TFB1M: variants seen among roughly 807,000 people sequenced by gnomAD.
TFB1M encodes dimethyladenosine transferase 1, mitochondrial.
A neutral mutation model predicts 31.1 loss-of-function variants in TFB1M; 27 were observed. The observed-to-expected ratio is 0.87, with a 90% confidence interval of 0.64 to 1.20. The LOEUF (loss-of-function observed/expected upper bound fraction) is 1.20. TFB1M is among the 50% of genes most tolerant of loss of function. The pLI is 0.00. For missense variants in TFB1M, 394 were observed against 418.7 expected (o/e 0.94, Z 0.51); for synonymous variants, 166 against 151.8 (o/e 1.09, Z -0.69).
In TFB1M at chr6:155,256,399, A is replaced by G; in HGVS notation, c.*1437T>C. On this transcript the variant is annotated 3_prime_UTR_variant, in exon 7 of 7. Transcript: ENST00000367166. ...TATCATAAAATAAAATCTTAATGTT[A>G]AATCTTACACAAGCTTTGAGGCAAA... The G allele has an allele frequency of 6.4e-7, 1 of 1,572,172 alleles. No homozygotes were observed. Among genetic ancestry groups the G allele is most frequent in the East Asian group, 2.2e-5 (1 of 44,550 alleles).
At chr6:155,280,388 A>G (rs1345017971) in intron 5 of TFB1M, among the ~76,000 whole-genome samples, 2 of 152,162 alleles carry the variant, frequency 1.3e-5, no homozygotes, top group Non-Finnish European at 2.9e-5. Flanking sequence ...AGGTTCCAAT[A>G]AGCTGGTCCC....
At chr6:155,242,467 T>G in the TFB1M span, among the ~76,000 whole-genome samples, 2 of 152,212 alleles carry the variant, frequency 1.3e-5, no homozygotes, top group Admixed American at 1.3e-4. Context: ...GCGTGGAATA[T>G]GGTGAGGGAA....
intron 2 of TFB1M, among the ~76,000 whole-genome samples, chr6:155,305,222 AT>A (rs1777633750): frequency 2.6e-5 from 1 of 38,670 alleles, no homozygotes; most frequent in Non-Finnish European, 3.9e-5. Flanking sequence ...TTATATATTT[AT>A]ATATATATAT....
chr6:155,242,160 G>A, the TFB1M span, among the ~76,000 whole-genome samples: 1 of 152,148 alleles, frequency 6.6e-6, no homozygotes, highest in Non-Finnish European at 1.5e-5. Context: ...TTTGCCCCCC[G>A]CAGCTCTGCG....
At chr6:155,258,594 A>T (rs1195180865) in intron 6 of TFB1M, among the ~76,000 whole-genome samples, 1 of 152,256 alleles carries the variant, frequency 6.6e-6, no homozygotes, top group Non-Finnish European at 1.5e-5. Context: ...TTTTTCAAGC[A>T]TCTTTAAAAC....
Position 155,256,860 on chromosome 6 carries a change from G to C in TFB1M, c.*976C>G, listed in dbSNP as rs200280999. On this transcript the variant is annotated 3_prime_UTR_variant, in exon 7 of 7. Transcript: ENST00000367166. The stretch of plus-strand genomic sequence containing the variant: ...CTGAGCAGCAGCCTGGCCCGGAGTC[G>C]GGTGAGGGTCAGAAAGGAGGAGAGC... The C allele has an allele frequency of 2.9e-5, 47 of 1,614,080 alleles. No individual in the cohort carries two copies. The East Asian group carries it at 1.0e-3, about 34-fold the overall frequency.
In TFB1M at chr6:155,309,106, G is replaced by GA. The variant is rs533689896; in HGVS notation, c.285+2081dup. 3.2e-4 allele frequency among the ~76,000 whole-genome samples: 48 copies of GA among 152,142 alleles called. 1 individual carries two copies. The East Asian group carries it at 8.5e-3, about 27-fold the overall frequency. On this transcript the variant is annotated intron_variant, in intron 2 of 6. Transcript: ENST00000367166. Reference sequence around the variant, plus strand: ...AACTTGAAATCAGCCTTCACATTTAGAAAAAAGAGCATAAAACTTTTTCAT... The same window carrying GA: ...AACTTGAAATCAGCCTTCACATTTAGAAAAAAAGAGCATAAAACTTTTTCAT...
chr6:155,265,069 G>A (rs1042175929), intron 5 of TFB1M, among the ~76,000 whole-genome samples: 3 of 152,182 alleles, frequency 2.0e-5, no homozygotes, highest in Admixed American at 1.3e-4. Context: ...CACAAACCAC[G>A]CCCTTGGTGT....
chr6:155,268,000 G>T lies in TFB1M; in HGVS notation c.667-7600C>A, dbSNP rs989944093. 2.0e-5 allele frequency among the ~76,000 whole-genome samples: 3 copies of T among 152,054 alleles called. No homozygotes were observed. In the East Asian group the frequency reaches 5.8e-4, roughly 29 times the overall value. ...AGCCCAAAGCCCCTTCTACAAATTT[G>T]TTTTCAAAATGTAGACAGGAAATTT... On this transcript the variant is annotated intron_variant, in intron 5 of 6. Transcript: ENST00000367166.
chr6:155,257,303 T>A lies in TFB1M; in HGVS notation c.*533A>T. On this transcript the variant is annotated 3_prime_UTR_variant, in exon 7 of 7. Transcript: ENST00000367166. ...TTTAATTTATTGTGGATCAGAAACC[T>A]AGATGAAACTGGTCAGAATCTGTAA... The A allele has an allele frequency of 1.5e-6, 1 of 677,472 alleles. No homozygotes were observed. The highest frequency in any genetic ancestry group is 2.4e-6 in the Non-Finnish European group (1 of 416,708). The allele number at this position is 677,472 out of a possible 1,614,324, so 42.0% of individuals were successfully genotyped here. A position where few individuals can be genotyped will look rare whatever the true frequency, so the allele number is the denominator to read the frequency against.
the TFB1M span, among the ~76,000 whole-genome samples, chr6:155,230,831 A>G: frequency 1.4e-5 from 2 of 147,780 alleles, no homozygotes; most frequent in South Asian, 4.4e-4. Flanking sequence ...AAAATGGCAG[A>G]GCTACTTTTT....
chr6:155,281,887 G>A (rs1247592037), intron 5 of TFB1M, among the ~76,000 whole-genome samples: 2 of 152,000 alleles, frequency 1.3e-5, no homozygotes, highest in African/African-American at 2.4e-5. Flanking sequence ...TGAGAAATGT[G>A]CAGAGTAGCT....
chr6:155,237,258 G>A, the TFB1M span, among the ~76,000 whole-genome samples: 8 of 152,250 alleles, frequency 5.3e-5, no homozygotes, highest in Non-Finnish European at 8.8e-5. Flanking sequence ...TTGACTCCAT[G>A]TCTCACATCC....
At chr6:155,295,962 T>G (rs1777150580) in intron 4 of TFB1M, among the ~76,000 whole-genome samples, 1 of 152,184 alleles carries the variant, frequency 6.6e-6, no homozygotes, top group African/African-American at 2.4e-5. Context: ...GGTTCTGGAA[T>G]CAATCCCCTA....
the TFB1M span, among the ~76,000 whole-genome samples, chr6:155,247,492 C>T: frequency 9.2e-5 from 14 of 152,090 alleles, no homozygotes; most frequent in South Asian, 2.1e-4. Flanking sequence ...CCACGCCCGG[C>T]GAATTTTTGT....
chr6:155,276,205 A>G, intron 5 of TFB1M: 1 of 1,614,100 alleles, frequency 6.2e-7, no homozygotes, highest in Non-Finnish European at 8.5e-7. Context: ...AACCTGGAGG[A>G]GCTATCTATA....
intron 2 of TFB1M, among the ~76,000 whole-genome samples, chr6:155,305,521 ATATT>A (rs1371206552): frequency 2.0e-5 from 1 of 48,856 alleles, no homozygotes; most frequent in African/African-American, 9.6e-5. Flanking sequence ...ATTTATATAT[ATATT>A]AAATTATATA....
chr6:155,307,813 C>G (rs1161076152), intron 2 of TFB1M, among the ~76,000 whole-genome samples: 2 of 151,082 alleles, frequency 1.3e-5, no homozygotes, highest in African/African-American at 4.9e-5. Flanking sequence ...AAATGCAAAA[C>G]AAATTTCATA....
At chr6:155,237,648 T>C in the TFB1M span, among the ~76,000 whole-genome samples, 1 of 152,268 alleles carries the variant, frequency 6.6e-6, no homozygotes, top group Admixed American at 6.5e-5. Context: ...CTTGGACTTA[T>C]GTGCACTGGC....
Sources: gnomAD v4.1 joint callset for allele counts (sites outside exome capture counted in the v4.1 genomes callset) on GRCh38, gnomAD v4.1.1 for gene constraint, MANE v1.5 for transcripts, NCBI Gene and HGNC (gene_info 2026-07-23, HGNC 2026-07-21) for gene names.